Variants in TRAPPC9 observed in about 807,000 individuals in gnomAD.
TRAPPC9 encodes the protein trafficking protein particle complex subunit 9.
A neutral mutation model predicts 124.0 loss-of-function variants in TRAPPC9; 83 were observed. The ratio of observed to expected loss-of-function variants is 0.67; its 90% CI spans 0.56 to 0.80. TRAPPC9 has a LOEUF of 0.80. TRAPPC9 is among the 30% of genes least tolerant of loss of function. The pLI, the probability that TRAPPC9 is intolerant of heterozygous loss-of-function variation, is 0.00. For synonymous variants in TRAPPC9, 638 were observed against 617.5 expected (o/e 1.03, Z -0.49); for missense variants, 1,302 against 1,508.3 (o/e 0.86, Z 2.27).
intron 21 of TRAPPC9, among the ~76,000 whole-genome samples, chr8:139,791,581 G>GACACACAC (rs137877446): frequency 8.5e-5 from 12 of 141,680 alleles, no homozygotes; most frequent in Non-Finnish European, 1.5e-4. Flanking sequence ...CCCCTGCACA[G>GACACACAC]ACACACACAC....
At chr8:140,095,600 G>GA (rs949718034) in intron 17 of TRAPPC9, 2 of 152,162 alleles carry the variant, frequency 1.3e-5, no homozygotes, top group African/African-American at 4.8e-5. Flanking sequence ...TATGTGCCAT[G>GA]AAAAATCAAC....
At chr8:140,358,014 A>G (rs1397265894) in intron 9 of TRAPPC9, among the ~76,000 whole-genome samples, 14 of 152,190 alleles carry the variant, frequency 9.2e-5, no homozygotes, top group Admixed American at 8.5e-4. Flanking sequence ...AACGGCCACA[A>G]TAAGTGGTGT....
At chr8:139,973,998 G>A (rs1329407943) in intron 19 of TRAPPC9, among the ~76,000 whole-genome samples, 1 of 152,200 alleles carries the variant, frequency 6.6e-6, no homozygotes, top group Non-Finnish European at 1.5e-5. Context: ...AGCAGCAGGA[G>A]CTTCGAGAGC....
At position 140,284,111 on chromosome 8, in the gene TRAPPC9, T is replaced by TCTTCAGAAGACCTGAGTTC. The variant is rs1456448007; in HGVS notation, c.1982-109_1982-91dup. ...AGCAGTGCGAAGAGTACGGGGCTCC[T>TCTTCAGAAGACCTGAGTTC]CTTCAGAAGACCTGAGTTCCGAAGC... is the stretch of plus-strand genomic sequence containing the variant. On this transcript the variant is annotated intron_variant, in intron 13 of 22. Coordinates refer to ENST00000438773, the MANE Select transcript of TRAPPC9 (RefSeq NM_001160372.4). The TCTTCAGAAGACCTGAGTTC allele has an allele frequency of 1.9e-6, 3 of 1,567,774 alleles. No individual in the cohort carries two copies. The East Asian group carries it at 6.7e-5, about 35-fold the overall frequency.
intron 19 of TRAPPC9, chr8:139,932,440 T>A (rs1456130143): frequency 2.2e-6 from 1 of 457,652 alleles, no homozygotes; most frequent in African/African-American, 2.0e-5. Flanking sequence ...AAGTACAAGA[T>A]GTTGGCTGAC....
At chr8:140,298,541 A>T (rs2065875326) in intron 11 of TRAPPC9, among the ~76,000 whole-genome samples, 1 of 151,954 alleles carries the variant, frequency 6.6e-6, no homozygotes, top group Non-Finnish European at 1.5e-5. Context: ...GGTCCCACCC[A>T]CTCGGGAGGC....
rs997631562 is a variant in TRAPPC9 at position 140,315,514 on chromosome 8, T to A, written c.1496-4140A>T. Among the ~76,000 whole-genome samples, 6 of 152,088 alleles carry A rather than the reference T, an allele frequency of 3.9e-5. 1 individual carries two copies. Among genetic ancestry groups the A allele is most frequent in the Admixed American group, 3.9e-4 (6 of 15,270 alleles). ...AATTTTGAAAAACAAATTTAATTGGTTTCATGCTATTTTATTAGGAAATAT... is the reference window on the plus strand; with the variant it reads ...AATTTTGAAAAACAAATTTAATTGGATTCATGCTATTTTATTAGGAAATAT... On this transcript the variant is annotated intron_variant, in intron 9 of 22. Coordinates refer to ENST00000438773, the MANE Select transcript of TRAPPC9 (RefSeq NM_001160372.4).
At chr8:140,318,221 A>G (rs1376074994) in intron 9 of TRAPPC9, among the ~76,000 whole-genome samples, 2 of 152,210 alleles carry the variant, frequency 1.3e-5, no homozygotes, top group Non-Finnish European at 2.9e-5. Context: ...TTTATGTTTG[A>G]AAATGTTTCA....
At chr8:140,200,491 C>T (rs1008653569) in intron 17 of TRAPPC9, among the ~76,000 whole-genome samples, 1 of 152,106 alleles carries the variant, frequency 6.6e-6, no homozygotes, top group African/African-American at 2.4e-5. Flanking sequence ...GCAAACACGA[C>T]CCCGGCCAGG....
At chr8:139,748,926 G>C (rs1341396276) in intron 21 of TRAPPC9, among the ~76,000 whole-genome samples, 1 of 152,150 alleles carries the variant, frequency 6.6e-6, no homozygotes, top group Admixed American at 6.5e-5. Context: ...TCTGGCAGTA[G>C]GTCCAGGCTT....
chr8:140,308,503 G>A (rs2066200858), intron 10 of TRAPPC9, among the ~76,000 whole-genome samples: 1 of 151,956 alleles, frequency 6.6e-6, no homozygotes, highest in African/African-American at 2.4e-5. Context: ...GGACACTTAG[G>A]GGTTACTTCT....
At chr8:140,294,771 C>T (rs904958322) in intron 11 of TRAPPC9, among the ~76,000 whole-genome samples, 1 of 149,212 alleles carries the variant, frequency 6.7e-6, no homozygotes, top group Non-Finnish European at 1.5e-5. Context: ...CCATGCCCGG[C>T]TAAATTTGTT....
chr8:139,774,372 AG>A (rs1293731117), intron 21 of TRAPPC9, among the ~76,000 whole-genome samples: 1 of 152,112 alleles, frequency 6.6e-6, no homozygotes, highest in African/African-American at 2.4e-5. Context: ...AGCCTCAGGA[AG>A]GGCTGGGTGT....
intron 19 of TRAPPC9, among the ~76,000 whole-genome samples, chr8:139,943,057 G>A (rs1834009308): frequency 6.6e-6 from 1 of 152,180 alleles, no homozygotes; most frequent in African/African-American, 2.4e-5. Context: ...TGTCCAAGAG[G>A]TAGAATTTTG....
intron 17 of TRAPPC9, among the ~76,000 whole-genome samples, chr8:140,204,479 G>C (rs888090665): frequency 2.2e-5 from 3 of 135,038 alleles, no homozygotes; most frequent in Non-Finnish European, 3.2e-5. Context: ...GTCGTTGGGT[G>C]GGGGGAGGGG....
intron 17 of TRAPPC9, among the ~76,000 whole-genome samples, chr8:140,092,400 T>C (rs1274552410): frequency 6.6e-6 from 1 of 152,102 alleles, no homozygotes; most frequent in Non-Finnish European, 1.5e-5. Context: ...TTTCACCATG[T>C]TGGCCAGGCT....
intron 2 of TRAPPC9, among the ~76,000 whole-genome samples, chr8:140,444,483 G>A (rs1013448054): frequency 2.6e-5 from 4 of 151,928 alleles, no homozygotes; most frequent in Admixed American, 6.6e-5. Flanking sequence ...CATTCCCTTC[G>A]GATTTCTTTA....
At chr8:140,114,359 A>G (rs981820464) in intron 17 of TRAPPC9, among the ~76,000 whole-genome samples, 1 of 151,918 alleles carries the variant, frequency 6.6e-6, no homozygotes, top group Non-Finnish European at 1.5e-5. Flanking sequence ...AAACCTCACA[A>G]AAGAAAATAT....
rs377755551 is a variant in TRAPPC9, at chr8:140,019,473, T to C, written c.2699+4464A>G. On this transcript the variant is annotated intron_variant, in intron 18 of 22. Transcript: ENST00000438773. Reference sequence around the variant, plus strand: ...GAAGATTTTAATTAAGAATTCAAAATCTTTAACTGATGTGTGACTATTTAT... The same window carrying C: ...GAAGATTTTAATTAAGAATTCAAAACCTTTAACTGATGTGTGACTATTTAT... Among the ~76,000 whole-genome samples the C allele has an allele frequency of 4.6e-5, 7 of 151,396 alleles. 1 individual carries two copies. Among genetic ancestry groups the C allele is most frequent in the Admixed American group, 2.6e-4 (4 of 15,234 alleles).
Sources: allele counts gnomAD v4.1 joint callset (sites outside exome capture counted in the v4.1 genomes callset), GRCh38; gene constraint gnomAD v4.1.1; transcripts MANE v1.5; gene names NCBI Gene and HGNC (gene_info 2026-07-23, HGNC 2026-07-21).